The following PCGF3 variants were observed in gnomAD, a reference collection of about 807,000 sequenced individuals.
PCGF3 encodes polycomb group RING finger protein 3.
Under a neutral mutation model 33.1 loss-of-function variants are expected in PCGF3, and 7 were observed. That is an observed-to-expected ratio of 0.21 (90% confidence interval 0.12 to 0.40). The LOEUF is 0.40. Among genes scored for constraint, PCGF3 ranks in the 10% least tolerant of loss-of-function variants. The pLI is 1.00. For missense variants in PCGF3, 211 were observed against 313.3 expected, an observed-to-expected ratio of 0.67 and a Z score of 2.46; for synonymous variants, 153 against 121.3, an observed-to-expected ratio of 1.26 and a Z score of -1.72.
chr4:734,652 C>T (rs1049393351), intron 4 of PCGF3: 36 of 1,282,752 alleles, frequency 2.8e-5, no homozygotes, highest in Non-Finnish European at 3.5e-5. Context: ...GCTCTGTCAC[C>T]TTTGAGCATC....
At chr4:741,357 C>T (rs1415703417) in intron 6 of PCGF3, among the ~76,000 whole-genome samples, 1 of 152,246 alleles carries the variant, frequency 6.6e-6, no homozygotes. Context: ...TCAGGCTGGA[C>T]TGCCGCAGCT....
At chr4:767,304 CCA>C (rs1577454902) in exon 11 of PCGF3, 1 of 151,996 alleles carries the variant, frequency 6.6e-6, no homozygotes, top group Admixed American at 6.6e-5. Context: ...GAATAAACAG[CCA>C]CACACACATT....
intron 1 of PCGF3, among the ~76,000 whole-genome samples, chr4:714,373 C>T (rs1436375925): frequency 6.6e-6 from 1 of 152,220 alleles, no homozygotes. Context: ...CCTGGACTCA[C>T]CTGTGAGCGG....
At chr4:740,219 C>T (rs539209363) in intron 6 of PCGF3, among the ~76,000 whole-genome samples, 3 of 152,344 alleles carry the variant, frequency 2.0e-5, no homozygotes, top group African/African-American at 7.2e-5. Flanking sequence ...TTGGAGGAGA[C>T]GCCAACACGG....
chr4:737,438 T>A, intron 5 of PCGF3, 28 bp from the exon 6 acceptor site: 1 of 1,509,766 alleles, frequency 6.6e-7, no homozygotes, highest in Non-Finnish European at 9.2e-7. Flanking sequence ...CATTTCCAGC[T>A]AACTCCACCT....
intron 1 of PCGF3, among the ~76,000 whole-genome samples, chr4:712,104 A>G (rs937702426): frequency 1.6e-4 from 24 of 152,304 alleles, no homozygotes; most frequent in Admixed American, 3.9e-4. Context: ...GGTACAATTC[A>G]TTGTGCTTCA....
At chr4:743,371 T>G (rs1744176751) in intron 6 of PCGF3, 103 bp from the exon 7 acceptor site, 1 of 699,816 alleles carries the variant, frequency 1.4e-6, no homozygotes, top group East Asian at 2.7e-5. Context: ...CCTTCAAACT[T>G]CATAATGCAA....
chr4:766,132 G>T (rs577279947), exon 11 of PCGF3: 8 of 1,491,230 alleles, frequency 5.4e-6, no homozygotes, highest in South Asian at 1.1e-5. Context: ...GGGTGCTCCC[G>T]GCCGCCGCGC....
chr4:768,142 G>A (rs976674965), exon 11 of PCGF3: 5 of 152,780 alleles, frequency 3.3e-5, no homozygotes, highest in African/African-American at 1.2e-4. Context: ...ACACAGACGG[G>A]CGAGTGGCGC....
Position 711,359 on chromosome 4 carries a change from C to G in PCGF3, c.-190+5389C>G, listed in dbSNP as rs373428284. Among the ~76,000 whole-genome samples, 17 of 151,762 alleles carry G rather than the reference C, an allele frequency of 1.1e-4. No individual in the cohort carries two copies. In the South Asian group the frequency reaches 2.3e-3, roughly 20 times the overall value. On this transcript the variant is annotated intron_variant, in intron 1 of 10. Transcript: ENST00000362003. ...AGTCTTGTTTTGGTGTATGCTGTTA[C>G]TCTTTATTAAATGGCAGGATTTATT...
intron 8 of PCGF3, among the ~76,000 whole-genome samples, chr4:753,514 C>T (rs769440261): frequency 7.2e-4 from 110 of 152,136 alleles, no homozygotes; most frequent in African/African-American, 2.0e-3. Flanking sequence ...ATTAGCTGGG[C>T]GTGGTCGTGG....
chr4:709,940 T>G (rs1742495705), intron 1 of PCGF3, among the ~76,000 whole-genome samples: 1 of 152,240 alleles, frequency 6.6e-6, no homozygotes, highest in African/African-American at 2.4e-5. Flanking sequence ...TTACTGTTTT[T>G]TAAACTTCAT....
chr4:716,507 G>A (rs1374961974), intron 1 of PCGF3, among the ~76,000 whole-genome samples: 1 of 122,458 alleles, frequency 8.2e-6, no homozygotes, highest in Non-Finnish European at 1.7e-5. Flanking sequence ...TGTGGACACT[G>A]CGAGTGTGAG....
chr4:768,392 A>C (rs1388160221), exon 11 of PCGF3: 1 of 152,082 alleles, frequency 6.6e-6, no homozygotes, highest in African/African-American at 2.4e-5. Flanking sequence ...CCTTTCTGTC[A>C]ACCTCTCATT....
intron 6 of PCGF3, 161 bp downstream of exon 6, chr4:737,682 G>A (rs1389107482): frequency 1.6e-6 from 1 of 616,004 alleles, no homozygotes; most frequent in African/African-American, 1.9e-5. Flanking sequence ...TCCTTGGCTG[G>A]TCTCTTCTTT....
At chr4:706,897 G>T (rs1399382018) in intron 1 of PCGF3, among the ~76,000 whole-genome samples, 1 of 99,908 alleles carries the variant, frequency 1.0e-5, no homozygotes, top group Non-Finnish European at 2.0e-5. Context: ...CAGGGAGGGC[G>T]AAGACCCCAG....
chr4:714,638 CT>C (rs1742730544), intron 1 of PCGF3, among the ~76,000 whole-genome samples: 1 of 152,310 alleles, frequency 6.6e-6, no homozygotes, highest in African/African-American at 2.4e-5. Flanking sequence ...GTGAGACCCC[CT>C]GGCGTTGGAG....
chr4:737,756 A>G (rs1743899383), intron 6 of PCGF3, among the ~76,000 whole-genome samples: 1 of 152,174 alleles, frequency 6.6e-6, no homozygotes, highest in African/African-American at 2.4e-5. Flanking sequence ...TATGGATCGC[A>G]TGTTTAGCAC....
At chr4:731,040 G>A (rs1048772111) in exon 3 of PCGF3, 3 of 398,504 alleles carry the variant, frequency 7.5e-6, no homozygotes, top group Admixed American at 4.4e-5. Flanking sequence ...AGGAGGCAGC[G>A]TCGCGTGGGA....
Sources: gnomAD v4.1 joint callset for allele counts (sites outside exome capture counted in the v4.1 genomes callset) on GRCh38, gnomAD v4.1.1 for gene constraint, MANE v1.5 for transcripts, NCBI Gene and HGNC (gene_info 2026-07-23, HGNC 2026-07-21) for gene names.